The following MVD variants were observed in gnomAD, a reference collection of about 807,000 sequenced individuals.
MVD encodes mevalonate diphosphate decarboxylase, also known as diphosphomevalonate decarboxylase.
Under a neutral mutation model 42.4 loss-of-function variants are expected in MVD, and 52 were observed. The observed-to-expected ratio is 1.23, with a 90% CI of 0.98 to 1.55. The LOEUF (loss-of-function observed/expected upper bound fraction) is 1.55. Ranked by LOEUF, MVD falls within the 40% of genes most tolerant of loss-of-function variation. MVD has a pLI of 0.00. For missense variants in MVD, 663 were observed against 572.1 expected, an observed-to-expected ratio of 1.16 and a Z score of -1.62; for synonymous variants, 287 against 243.2, an observed-to-expected ratio of 1.18 and a Z score of -1.68.
chr16:88,652,664 G>C (rs1250985895), intron 9 of MVD, 59 bp from the exon 10 acceptor site: 5 of 1,459,558 alleles, frequency 3.4e-6, no homozygotes, highest in Non-Finnish European at 4.7e-6. Context: ...CCTGTGCCCA[G>C]CATCTGTAGG....
intron 8 of MVD, among the ~76,000 whole-genome samples, chr16:88,653,784 G>C (rs1015753467): frequency 6.6e-6 from 1 of 152,072 alleles, no homozygotes; most frequent in African/African-American, 2.4e-5. Context: ...ATTCAAGCTG[G>C]TGCGTTCGTC....
intron 8 of MVD, 73 bp from the exon 9 acceptor site, chr16:88,653,481 A>G: frequency 7.8e-7 from 1 of 1,275,894 alleles, no homozygotes; most frequent in Non-Finnish European, 1.1e-6. Context: ...ACAACAGGCA[A>G]GTCCAGAGAT....
chr16:88,658,810 G>C, intron 1 of MVD, 90 bp from the exon 2 acceptor site: 1 of 966,908 alleles, frequency 1.0e-6, no homozygotes, highest in Non-Finnish European at 1.5e-6. Context: ...CCCACCCACG[G>C]CCCCCATCCG....
chr16:88,656,123 G>C lies in MVD; in HGVS notation c.585C>G (p.Leu195=), dbSNP rs1457384453. The C allele has an allele frequency of 6.2e-7, 1 of 1,601,342 alleles. No homozygotes were observed. Among genetic ancestry groups the C allele is most frequent in the African/African-American group, 1.3e-5 (1 of 75,048 alleles). Residue 195 remains leucine (L), a synonymous_variant, in exon 5 of 10, where the codon CTC becomes CTG. Coordinates refer to ENST00000301012, the MANE Select transcript of MVD (RefSeq NM_002461.3). The stretch of plus-strand genomic sequence containing the variant: ...CACTCACCACAAGGATGAGCACGCG[G>C]AGTTCAGGCCAGTGTGACTCGGGGG... ...QVAPESHWPE[L]RVLILVVSAE...
intron 8 of MVD, 74 bp downstream of exon 8, chr16:88,654,618 G>C: frequency 6.9e-7 from 1 of 1,447,648 alleles, no homozygotes; most frequent in Non-Finnish European, 9.3e-7. Flanking sequence ...CAGCCTTCAG[G>C]TGCCTCCGTC....
At chr16:88,657,823 C>T in intron 3 of MVD, 92 bp downstream of exon 3, 1 of 1,408,022 alleles carries the variant, frequency 7.1e-7, no homozygotes, top group East Asian at 2.3e-5. Context: ...CCGCCTGCTG[C>T]CTCAGGAGGG....
chr16:88,656,869 G>GTTC (rs1907961335), intron 4 of MVD: 1 of 271,170 alleles, frequency 3.7e-6, no homozygotes, highest in South Asian at 3.5e-5. Flanking sequence ...TGGAGTTGAG[G>GTTC]GGTGAAGATG....
Position 88,659,021 on chromosome 16 carries a change from G to A in MVD, c.71-301C>T, listed in dbSNP as rs562534125. On this transcript the variant is annotated intron_variant, in intron 1 of 9. Coordinates refer to ENST00000301012, the MANE Select transcript of MVD (RefSeq NM_002461.3). ...CCCAGGTGCGGATCGCTCCCACCGCGGCCTGCCTCCCCTCCACCTTCCCAA... is the reference window on the plus strand; with the variant it reads ...CCCAGGTGCGGATCGCTCCCACCGCAGCCTGCCTCCCCTCCACCTTCCCAA... 1.0e-4 allele frequency: 41 copies of A among 405,736 alleles called. No homozygotes were observed. In the East Asian group the frequency reaches 1.4e-3, roughly 13 times the overall value. 25.1% of individuals were successfully genotyped at this position (405,736 alleles called of 1,614,324 possible).
intron 8 of MVD, chr16:88,653,701 T>C (rs1233876409): frequency 3.0e-6 from 1 of 327,972 alleles, no homozygotes; most frequent in South Asian, 3.6e-5. Context: ...TAAACAGCTA[T>C]GCCCAGGCTG....
chr16:88,656,984 GC>G, intron 4 of MVD: 5 of 351,642 alleles, frequency 1.4e-5, no homozygotes, highest in South Asian at 1.1e-4. Flanking sequence ...CCTGCAACCA[GC>G]TGTGCCCATT....
At position 88,653,350 on chromosome 16, in the gene MVD, G is replaced by GC; in HGVS notation, c.1071dup (p.Leu358AlafsTer27). ...CCACCGGGGGTCGGCTCCATGGCCA[G>GC]CGCAGCCTGAAGCTCAGCTGAGAGA... On this transcript the variant is annotated frameshift_variant, in exon 9 of 10. Transcript: ENST00000301012. 1.9e-6 allele frequency: 3 copies of GC among 1,599,722 alleles called. No homozygotes were observed. Among genetic ancestry groups the GC allele is most frequent in the Non-Finnish European group, 2.6e-6 (3 of 1,176,378 alleles).
At position 88,652,013 on chromosome 16, in the gene MVD, C is replaced by T. The variant is rs1205543189; in HGVS notation, c.*512G>A. ...CCCACTCCTGCCACCATTCCAGCCA[C>T]ACCCAGGCCGTGGGCAGCCACCCTC... is the stretch of plus-strand genomic sequence containing the variant. On this transcript the variant is annotated 3_prime_UTR_variant, in exon 10 of 10. Transcript: ENST00000301012. The T allele has an allele frequency of 1.9e-5, 4 of 206,170 alleles. No homozygotes were observed. Among genetic ancestry groups the T allele is most frequent in the Non-Finnish European group, 4.1e-5 (4 of 98,212 alleles). 12.8% of individuals were successfully genotyped at this position (206,170 alleles called of 1,614,324 possible).
Position 88,654,827 on chromosome 16 carries a change from C to A in MVD, c.898-20G>T, listed in dbSNP as rs758358556. The A allele has an allele frequency of 2.6e-6, 4 of 1,554,834 alleles. No homozygotes were observed. The African/African-American group carries it at 5.5e-5, about 22-fold the overall frequency. ...CGCCACCTGGAACCCACAGCAGTCA[C>A]CCTGGCTATTCACGTGGTGCCTGAC... On this transcript the variant is annotated intron_variant, in intron 7 of 9. Transcript: ENST00000301012.
chr16:88,663,051 G>A lies in MVD; in HGVS notation c.30C>T (p.Val10=), dbSNP rs759130980. MASEKPLAA[V]TCTAPVNIAV... ...CGATGTTGACCGGCGCTGTACAAGT[G>A]ACTGCCGCCAGCGGCTTCTCCGAGG... The change falls in exon 1 of 10, where the codon GTC becomes GTT. Residue 10 remains valine (V), a synonymous_variant. Transcript: ENST00000301012. The A allele has an allele frequency of 1.4e-5, 22 of 1,610,560 alleles. No individual in the cohort carries two copies. The highest frequency in any genetic ancestry group is 2.5e-6 in the Non-Finnish European group (3 of 1,179,006).
chr16:88,662,902 G>A, intron 1 of MVD, 109 bp downstream of exon 1: 1 of 1,514,546 alleles, frequency 6.6e-7, no homozygotes, highest in East Asian at 2.6e-5. Flanking sequence ...CCCGTCTGTC[G>A]AGGCCCTGGG....
rs548244480 is a variant in MVD, at chr16:88,654,919, T to C, written c.898-112A>G. 5.3e-4 allele frequency: 571 copies of C among 1,080,702 alleles called. 3 individuals are homozygous for C. In the African/African-American group the frequency reaches 8.4e-3, roughly 16 times the overall value. 66.9% of individuals were successfully genotyped at this position (1,080,702 alleles called of 1,614,324 possible). A position where few individuals can be genotyped will look rare whatever the true frequency, so the allele number is the denominator to read the frequency against. ...CTCTCCAAGAGCTCAGTCTAGGCCC[T>C]CAGGGCCACACTGGAGTGGAGCTGT... On this transcript the variant is annotated intron_variant, in intron 7 of 9. Transcript: ENST00000301012.
rs928655841 is a variant in MVD at position 88,656,418 on chromosome 16, A to C, written c.404-114T>G. On this transcript the variant is annotated intron_variant, in intron 4 of 9. Transcript: ENST00000301012. ...CACGGCAAATGGGGATTTCCAGATG[A>C]CAGGGCTTCTGGGCCATCAGCCTTT... 62 of 1,171,440 alleles carry C rather than the reference A, an allele frequency of 5.3e-5. 1 individual carries two copies. Among genetic ancestry groups the C allele is most frequent in the East Asian group, 4.2e-4 (17 of 40,402 alleles). The allele number at this position is 1,171,440 out of a possible 1,614,324, so 72.6% of individuals were successfully genotyped here.
chr16:88,654,054 G>A (rs916312206), intron 8 of MVD, among the ~76,000 whole-genome samples: 2 of 152,236 alleles, frequency 1.3e-5, no homozygotes, highest in African/African-American at 2.4e-5. Flanking sequence ...GAAATCAACA[G>A]CCCCGGGGCG....
Position 88,657,477 on chromosome 16 carries a change from G to A in MVD, c.362C>T (p.Ala121Val). 7 of 1,612,528 alleles carry A rather than the reference G, an allele frequency of 4.3e-6. No homozygotes were observed. Among genetic ancestry groups the A allele is most frequent in the African/African-American group, 1.3e-5 (1 of 75,064 alleles). ...HVASVNNFPT[A>V]AGLASSAAGY... ...CGCCGCTGAGGAGGCCAGGCCCGCA[G>A]CCGTGGGGAAGTTGTTCACCGATGC... is the stretch of plus-strand genomic sequence containing the variant. The change falls in exon 4 of 10, where the codon GCT becomes GTT. Residue 121 changes from alanine to valine, a missense_variant. By Grantham distance (64) the Ala-to-Val change is moderately conservative. Coordinates refer to ENST00000301012, the MANE Select transcript of MVD (RefSeq NM_002461.3).
Sources: allele counts gnomAD v4.1 joint callset (sites outside exome capture counted in the v4.1 genomes callset), GRCh38; gene constraint gnomAD v4.1.1; transcripts MANE v1.5; gene names NCBI Gene and HGNC (gene_info 2026-07-23, HGNC 2026-07-21).